DNMT3B: variants seen among roughly 807,000 people sequenced by gnomAD.
DNMT3B encodes DNA methyltransferase 3 beta, also known as DNA (cytosine-5)-methyltransferase 3B.
A neutral mutation model predicts 120.2 loss-of-function variants in DNMT3B; 37 were observed. The ratio of observed to expected loss-of-function variants is 0.31; its 90% CI spans 0.24 to 0.40. The LOEUF (loss-of-function observed/expected upper bound fraction) is 0.40, where lower values mean the gene tolerates loss of function less well. Among genes scored for constraint, DNMT3B ranks in the 10% least tolerant of loss-of-function variants. The pLI is 1.00. For missense variants in DNMT3B, 878 were observed against 1,137.3 expected (o/e 0.77, Z 3.28); for synonymous variants, 412 against 442.8 (o/e 0.93, Z 0.87).
rs903450763 is a variant in DNMT3B at position 32,771,789 on chromosome 20, C to G, written c.-6-8529C>G. Among the ~76,000 whole-genome samples the G allele has an allele frequency of 4.6e-5, 7 of 151,976 alleles. No individual in the cohort carries two copies. In the East Asian group the frequency reaches 1.3e-3, roughly 29 times the overall value. ...TTACTTACGGGGAAAAATATTAGGTCCCTATCTCATACCATATACAAATAA... is the reference window on the plus strand; with the variant it reads ...TTACTTACGGGGAAAAATATTAGGTGCCTATCTCATACCATATACAAATAA... On this transcript the variant is annotated intron_variant, in intron 1 of 22. Coordinates refer to ENST00000328111, the MANE Select transcript of DNMT3B (RefSeq NM_006892.4).
At chr20:32,806,770 C>T (rs530259826) in intron 22 of DNMT3B, among the ~76,000 whole-genome samples, 30 of 152,288 alleles carry the variant, frequency 2.0e-4, no homozygotes, top group Admixed American at 2.0e-3. Context: ...ATAACCATCT[C>T]TTGGATTTCA....
At chr20:32,790,903 CCT>C (rs1979899406) in intron 7 of DNMT3B, among the ~76,000 whole-genome samples, 1 of 152,146 alleles carries the variant, frequency 6.6e-6, no homozygotes, top group South Asian at 2.1e-4. Context: ...CTCAAGCGAT[CCT>C]CTCAACTCCC....
chr20:32,784,123 G>A (rs1601084020), intron 3 of DNMT3B, among the ~76,000 whole-genome samples: 1 of 152,138 alleles, frequency 6.6e-6, no homozygotes, highest in Non-Finnish European at 1.5e-5. Flanking sequence ...CGCCATATTG[G>A]CCAGGCTGGT....
chr20:32,770,065 C>T (rs1987624808), intron 1 of DNMT3B, among the ~76,000 whole-genome samples: 1 of 152,062 alleles, frequency 6.6e-6, no homozygotes, highest in South Asian at 2.1e-4. Context: ...CCCCACTGCC[C>T]AGTAGCTTCG....
At chr20:32,797,939 G>T (rs1980842144) in intron 14 of DNMT3B, among the ~76,000 whole-genome samples, 1 of 152,110 alleles carries the variant, frequency 6.6e-6, no homozygotes, top group Non-Finnish European at 1.5e-5. Flanking sequence ...CACTCCCAAA[G>T]TTCTGGGATT....
At chr20:32,781,702 T>C (rs1568832837) in intron 3 of DNMT3B, among the ~76,000 whole-genome samples, 1 of 152,220 alleles carries the variant, frequency 6.6e-6, no homozygotes, top group African/African-American at 2.4e-5. Flanking sequence ...TATTAAATGG[T>C]AAATCCCAGA....
At chr20:32,794,342 C>CAAAAAAAAAAAAAAAAAAAAAAACA (rs1980355549) in intron 10 of DNMT3B, among the ~76,000 whole-genome samples, 1 of 79,586 alleles carries the variant, frequency 1.3e-5, no homozygotes, top group African/African-American at 5.0e-5. Context: ...GAACCTGTCT[C>CAAAAAAAAAAAAAAAAAAAAAAACA]AAAAAAAAAA....
chr20:32,794,369 A>G (rs536791524), intron 10 of DNMT3B, among the ~76,000 whole-genome samples: 2 of 150,470 alleles, frequency 1.3e-5, no homozygotes, highest in Admixed American at 1.3e-4. Context: ...AAAAAAACCA[A>G]AACAGAAACA....
At position 32,795,699 on chromosome 20, in the gene DNMT3B, C is replaced by A; in HGVS notation, c.1297+5C>A. ...ACAACAAGAGCAGCCTGGAAGGTAA[C>A]GTTCTCTCCCTCCCAGTCATCCCCC... On this transcript the variant is annotated splice_donor_5th_base_variant and intron_variant, in intron 12 of 22. Transcript: ENST00000328111. 6.2e-7 allele frequency: 1 copy of A among 1,614,090 alleles called. No homozygotes were observed. Among genetic ancestry groups the A allele is most frequent in the Non-Finnish European group, 8.5e-7 (1 of 1,180,038 alleles).
chr20:32,766,255 A>AT (rs1987360648), intron 1 of DNMT3B, among the ~76,000 whole-genome samples: 1 of 152,120 alleles, frequency 6.6e-6, no homozygotes, highest in Admixed American at 6.5e-5. Context: ...AGGCACGAGA[A>AT]TTGCTTGAAC....
In DNMT3B at chr20:32,795,698, A is replaced by G; in HGVS notation, c.1297+4A>G. On this transcript the variant is annotated splice_donor_region_variant and intron_variant, in intron 12 of 22. Coordinates refer to ENST00000328111, the MANE Select transcript of DNMT3B (RefSeq NM_006892.4). Reference sequence around the variant, plus strand: ...AACAACAAGAGCAGCCTGGAAGGTAACGTTCTCTCCCTCCCAGTCATCCCC... The same window carrying G: ...AACAACAAGAGCAGCCTGGAAGGTAGCGTTCTCTCCCTCCCAGTCATCCCC... 6.2e-7 allele frequency: 1 copy of G among 1,614,092 alleles called. No individual in the cohort carries two copies. Among genetic ancestry groups the G allele is most frequent in the Non-Finnish European group, 8.5e-7 (1 of 1,180,032 alleles).
At chr20:32,785,712 T>C (rs1455276990) in intron 4 of DNMT3B, among the ~76,000 whole-genome samples, 1 of 152,154 alleles carries the variant, frequency 6.6e-6, no homozygotes, top group Non-Finnish European at 1.5e-5. Flanking sequence ...TGGACACAGG[T>C]TCTGCAACAA....
rs191082309 is a variant in DNMT3B at position 32,782,859 on chromosome 20, G to T, written c.204+1445G>T. 4.5e-4 allele frequency among the ~76,000 whole-genome samples: 68 copies of T among 152,250 alleles called. 1 individual carries two copies. The highest frequency in any genetic ancestry group is 1.5e-3 in the African/African-American group (63 of 41,544). On this transcript the variant is annotated intron_variant, in intron 3 of 22. Coordinates refer to ENST00000328111, the MANE Select transcript of DNMT3B (RefSeq NM_006892.4). ...AACTGTCTTTTTATTCCTGGAATGA[G>T]TCCAACTTGGTTATGGTGCATTTTG...
chr20:32,763,345 T>A (rs1016466166), intron 1 of DNMT3B, among the ~76,000 whole-genome samples: 4 of 152,108 alleles, frequency 2.6e-5, no homozygotes, highest in Non-Finnish European at 5.9e-5. Flanking sequence ...CCCGGGGTGC[T>A]CCTGAGCTGA....
chr20:32,780,019 C>T (rs1441079457), intron 1 of DNMT3B: 2 of 1,499,820 alleles, frequency 1.3e-6, no homozygotes, highest in Non-Finnish European at 1.8e-6. Context: ...AAGGGGCCGG[C>T]TAATTGCACA....
intron 21 of DNMT3B, 126 bp downstream of exon 21, chr20:32,805,533 C>G: frequency 2.0e-6 from 2 of 1,005,072 alleles, no homozygotes; most frequent in South Asian, 2.7e-5. Flanking sequence ...TGTTGGGCTT[C>G]CCTCTCCCAC....
At chr20:32,765,540 C>T (rs1423446395) in intron 1 of DNMT3B, among the ~76,000 whole-genome samples, 1 of 149,826 alleles carries the variant, frequency 6.7e-6, no homozygotes, top group Non-Finnish European at 1.5e-5. Flanking sequence ...CCTGCCTCAA[C>T]CTTCCGAGTA....
At chr20:32,779,942 G>A (rs1978372669) in intron 1 of DNMT3B, 1 of 794,592 alleles carries the variant, frequency 1.3e-6, no homozygotes, top group Non-Finnish European at 2.1e-6. Flanking sequence ...GAGGGGGCCA[G>A]GGCCAGAGGG....
intron 1 of DNMT3B, among the ~76,000 whole-genome samples, chr20:32,767,981 G>A (rs1235636477): frequency 1.3e-5 from 2 of 152,218 alleles, no homozygotes; most frequent in South Asian, 2.1e-4. Context: ...CAGAAGTGCT[G>A]ATGCCTTTGT....
Sources: gnomAD v4.1 joint callset for allele counts (sites outside exome capture counted in the v4.1 genomes callset) on GRCh38, gnomAD v4.1.1 for gene constraint, MANE v1.5 for transcripts, NCBI Gene and HGNC (gene_info 2026-07-23, HGNC 2026-07-21) for gene names.